Variants in USP13 observed in about 807,000 individuals in gnomAD.
USP13 encodes the protein ubiquitin specific peptidase 13.
In USP13, 68 loss-of-function variants were observed where a neutral mutation model predicts 107.8. The ratio of observed to expected loss-of-function variants is 0.63; its 90% CI spans 0.52 to 0.77. USP13 has a LOEUF of 0.77. Ranked by LOEUF, USP13 falls within the 30% of genes least tolerant of loss-of-function variation. The probability of loss-of-function intolerance (pLI) is 0.00; values close to 1 mark genes in which losing one functional copy is unlikely to be tolerated. For synonymous variants in USP13, 377 were observed against 389.5 expected (o/e 0.97, Z 0.38); for missense variants, 945 against 1,093.3 (o/e 0.86, Z 1.91).
rs758009109 is a variant in USP13, at chr3:179,764,037, G to A, written c.2128G>A (p.Gly710Arg). The A allele has an allele frequency of 6.2e-7, 1 of 1,613,738 alleles. No homozygotes were observed. The highest frequency in any genetic ancestry group is 1.1e-5 in the South Asian group (1 of 91,052). ...GCCGCTGACCATGCCTGGTTATGGA[G>A]GGGCAGCTTCTGCTGGAGCCTCTGT... ...AEPLTMPGYG[G>R]AASAGASVFG... Residue 710 changes from glycine to arginine, a missense_variant, in exon 18 of 21, where the codon GGG (glycine) becomes AGG (arginine). By Grantham distance (125) the Gly-to-Arg change is moderately radical. Coordinates refer to ENST00000263966, the MANE Select transcript of USP13 (RefSeq NM_003940.3).
chr3:179,685,547 T>C (rs536474763), intron 2 of USP13, among the ~76,000 whole-genome samples: 1 of 152,042 alleles, frequency 6.6e-6, no homozygotes, highest in African/African-American at 2.4e-5. Context: ...TGATTTCCAC[T>C]CACTAATTCT....
intron 6 of USP13, among the ~76,000 whole-genome samples, chr3:179,717,244 C>A (rs1713142208): frequency 6.6e-6 from 1 of 152,182 alleles, no homozygotes; most frequent in African/African-American, 2.4e-5. Flanking sequence ...CATTTTCAGC[C>A]ACTGAGGCCA....
intron 13 of USP13, among the ~76,000 whole-genome samples, chr3:179,746,214 A>T (rs1714402565): frequency 6.8e-6 from 1 of 147,092 alleles, no homozygotes; most frequent in Non-Finnish European, 1.5e-5. Context: ...TATAAAATGT[A>T]TATATATAAA....
At chr3:179,764,801 A>G (rs1420260578) in intron 18 of USP13, among the ~76,000 whole-genome samples, 22 of 152,222 alleles carry the variant, frequency 1.4e-4, no homozygotes. Flanking sequence ...TGGTCACACC[A>G]TAATCCATTT....
intron 2 of USP13, among the ~76,000 whole-genome samples, chr3:179,682,463 T>C (rs1023339276): frequency 1.3e-5 from 2 of 152,224 alleles, no homozygotes; most frequent in Non-Finnish European, 2.9e-5. Context: ...TTCTGTGTCA[T>C]GCATGCCATT....
chr3:179,705,519 T>G (rs955427776), intron 4 of USP13, among the ~76,000 whole-genome samples: 26 of 152,200 alleles, frequency 1.7e-4, no homozygotes, highest in Admixed American at 6.5e-4. Flanking sequence ...ATAAATGGAA[T>G]CATGTAATAT....
chr3:179,709,030 G>A lies in USP13; in HGVS notation c.805+73G>A, dbSNP rs1205457532. Reference sequence around the variant, plus strand: ...AGATTTAACCAATCCCTGAATCCAGGTGGTTGGAAGGTGCAGGCTCTGGAT... The same window carrying A: ...AGATTTAACCAATCCCTGAATCCAGATGGTTGGAAGGTGCAGGCTCTGGAT... On this transcript the variant is annotated intron_variant, in intron 6 of 20. Coordinates refer to ENST00000263966, the MANE Select transcript of USP13 (RefSeq NM_003940.3). 7 of 1,527,688 alleles carry A rather than the reference G, an allele frequency of 4.6e-6. No individual in the cohort carries two copies. The African/African-American group carries it at 8.3e-5, about 18-fold the overall frequency. The allele number at this position is 1,527,688 out of a possible 1,614,324, so 94.6% of individuals were successfully genotyped here.
At position 179,784,233 on chromosome 3, in the gene USP13, A is replaced by G. The variant is rs193041153; in HGVS notation, c.*92A>G. ...GAAGAAGAAGTTGAAACAACTAGAC[A>G]TGAAGGAATATATGGGGTATTTATC... On this transcript the variant is annotated 3_prime_UTR_variant, in exon 21 of 21. Transcript: ENST00000263966. 5 of 986,224 alleles carry G rather than the reference A, an allele frequency of 5.1e-6. No individual in the cohort carries two copies. The highest frequency in any genetic ancestry group is 7.7e-6 in the Non-Finnish European group (5 of 647,422). The allele number at this position is 986,224 out of a possible 1,614,324, so 61.1% of individuals were successfully genotyped here.
intron 10 of USP13, among the ~76,000 whole-genome samples, chr3:179,738,735 C>T (rs1236641898): frequency 1.3e-5 from 2 of 152,232 alleles, no homozygotes; most frequent in Admixed American, 1.3e-4. Context: ...GTAGGTTACC[C>T]GTATTAAAGA....
At chr3:179,656,039 A>G (rs1720249566) in intron 1 of USP13, among the ~76,000 whole-genome samples, 1 of 152,210 alleles carries the variant, frequency 6.6e-6, no homozygotes, top group Admixed American at 6.5e-5. Context: ...GGCCAAAACC[A>G]GCTGAGTGGA....
In USP13 at chr3:179,785,105, T is replaced by C. The variant is rs930189485; in HGVS notation, c.*964T>C. 1 of 152,236 alleles carries C rather than the reference T, an allele frequency of 6.6e-6. No individual in the cohort carries two copies. Among genetic ancestry groups the C allele is most frequent in the South Asian group, 2.1e-4 (1 of 4,832 alleles). The allele number at this position is 152,236 out of a possible 1,614,324, so 9.4% of individuals were successfully genotyped here. On this transcript the variant is annotated 3_prime_UTR_variant, in exon 21 of 21. Coordinates refer to ENST00000263966, the MANE Select transcript of USP13 (RefSeq NM_003940.3). ...CCCCAAAAGGTATGGTGTTTATTTT[T>C]AGTAAAAATAGCTAATCTCTTTTTA...
chr3:179,653,405 G>A lies in USP13; in HGVS notation c.168+12G>A. 5 of 1,549,836 alleles carry A rather than the reference G, an allele frequency of 3.2e-6. No homozygotes were observed. Among genetic ancestry groups the A allele is most frequent in the Non-Finnish European group, 4.4e-6 (5 of 1,145,904 alleles). On this transcript the variant is annotated intron_variant, in intron 1 of 20. Coordinates refer to ENST00000263966, the MANE Select transcript of USP13 (RefSeq NM_003940.3). This position sits in a 1 kb window ranked among gnomAD's most constrained non-coding sequence, Gnocchi z 4.0. ...CCTACGACTCTCCCGTAAGTGAGGC[G>A]CCTCGGGGGAGGGTCGCGGGGCCGG...
At chr3:179,773,138 G>C (rs769374460) in intron 19 of USP13, among the ~76,000 whole-genome samples, 2 of 152,196 alleles carry the variant, frequency 1.3e-5, no homozygotes, top group Non-Finnish European at 2.9e-5. Flanking sequence ...TGGGTCATGG[G>C]AGTGGATCCC....
Position 179,761,191 on chromosome 3 carries a change from C to T in USP13, c.2028C>T (p.Tyr676=). 3 of 1,614,158 alleles carry T rather than the reference C, an allele frequency of 1.9e-6. No homozygotes were observed. The South Asian group carries it at 3.3e-5, about 18-fold the overall frequency. Residue 676 remains tyrosine (Y), a synonymous_variant, in exon 17 of 21, where the codon TAC becomes TAT. Coordinates refer to ENST00000263966, the MANE Select transcript of USP13 (RefSeq NM_003940.3). ...FPLEACRKAV[Y]FTGNMGAEVA... ...TGGAAGCATGTCGCAAGGCTGTGTA[C>T]TTCACTGGAAATATGGGCGCCGAGG... is the stretch of plus-strand genomic sequence containing the variant.
intron 20 of USP13, among the ~76,000 whole-genome samples, chr3:179,783,769 G>A (rs1212616673): frequency 6.6e-6 from 1 of 151,876 alleles, no homozygotes; most frequent in Non-Finnish European, 1.5e-5. Flanking sequence ...TCCAGAGGCT[G>A]AAGCGAGAGG....
At chr3:179,693,793 C>A (rs1277541023) in intron 3 of USP13, among the ~76,000 whole-genome samples, 1 of 152,106 alleles carries the variant, frequency 6.6e-6, no homozygotes. Context: ...CCTGCCTCAG[C>A]CTCCCGAGTA....
intron 6 of USP13, among the ~76,000 whole-genome samples, chr3:179,718,600 T>C (rs1454586776): frequency 6.6e-6 from 1 of 152,196 alleles, no homozygotes; most frequent in Non-Finnish European, 1.5e-5. Context: ...ATGTCTCTTC[T>C]GTCCTCTTCA....
chr3:179,727,182 TTTAA>T (rs1178451122), intron 8 of USP13, among the ~76,000 whole-genome samples: 2 of 142,624 alleles, frequency 1.4e-5, no homozygotes, highest in Admixed American at 1.4e-4. Flanking sequence ...TTTTTTTTTT[TTTAA>T]TTGATCATTC....
chr3:179,728,379 C>T lies in USP13; in HGVS notation c.1089-1810C>T, dbSNP rs1180842675. ...GCAGAGGTGCTCCCCACATCTCAGA[C>T]GATGGGCGGCCGGGCAGAGACGCTC... is the stretch of plus-strand genomic sequence containing the variant. On this transcript the variant is annotated intron_variant, in intron 8 of 20. Transcript: ENST00000263966. 3.5e-5 allele frequency among the ~76,000 whole-genome samples: 5 copies of T among 142,560 alleles called. No individual in the cohort carries two copies. The South Asian group carries it at 6.9e-4, about 20-fold the overall frequency. The allele number at this position is 142,560 out of a possible 152,430, so 93.5% of individuals were successfully genotyped here. A position where few individuals can be genotyped will look rare whatever the true frequency, so the allele number is the denominator to read the frequency against.
Sources: gnomAD v4.1 joint callset for allele counts (sites outside exome capture counted in the v4.1 genomes callset) on GRCh38, gnomAD v4.1.1 for gene constraint, Gnocchi (gnomAD v3.1) non-coding constraint, MANE v1.5 for transcripts, NCBI Gene and HGNC (gene_info 2026-07-23, HGNC 2026-07-21) for gene names.